Variants in ATXN7L1 observed in about 807,000 individuals in gnomAD.
ATXN7L1 encodes ataxin-7-like protein 1.
A neutral mutation model predicts 70.8 loss-of-function variants in ATXN7L1; 15 were observed. That is an observed-to-expected ratio of 0.21 (90% CI 0.14 to 0.33). The LOEUF (loss-of-function observed/expected upper bound fraction) is 0.33, where lower values mean the gene tolerates loss of function less well. ATXN7L1 is among the 10% of genes least tolerant of loss of function. ATXN7L1 has a pLI of 1.00. For missense variants in ATXN7L1, 975 were observed against 1,097.1 expected, an observed-to-expected ratio of 0.89 and a Z score of 1.57; for synonymous variants, 440 against 445.1, an observed-to-expected ratio of 0.99 and a Z score of 0.14.
At chr7:105,735,035 G>A (rs986012029) in intron 3 of ATXN7L1, among the ~76,000 whole-genome samples, 23 of 152,162 alleles carry the variant, frequency 1.5e-4, no homozygotes, top group Non-Finnish European at 2.8e-4. Flanking sequence ...CTGAGCTGGT[G>A]AAATAATTCT....
chr7:105,646,525 C>T lies in ATXN7L1; in HGVS notation c.579-3404G>A, dbSNP rs1799051735. 2.0e-5 allele frequency among the ~76,000 whole-genome samples: 3 copies of T among 152,236 alleles called. No homozygotes were observed. The South Asian group carries it at 6.2e-4, about 32-fold the overall frequency. On this transcript the variant is annotated intron_variant, in intron 4 of 11. Transcript: ENST00000419735. ...CTCGGCCTCTTGGGTTCAAGTGATT[C>T]TCCTGTCTCAGCCTCCCAAGTAACT...
At chr7:105,783,900 C>A (rs887817838) in intron 3 of ATXN7L1, among the ~76,000 whole-genome samples, 1 of 152,064 alleles carries the variant, frequency 6.6e-6, no homozygotes, top group African/African-American at 2.4e-5. Flanking sequence ...GAAGTGGGGA[C>A]ACAGTTTTGT....
intron 2 of ATXN7L1, among the ~76,000 whole-genome samples, chr7:105,849,705 C>T (rs1814598231): frequency 6.6e-6 from 1 of 152,174 alleles, no homozygotes; most frequent in African/African-American, 2.4e-5. Context: ...ACTGGGGCTC[C>T]CTGAGGATGT....
chr7:105,787,872 T>G lies in ATXN7L1; in HGVS notation c.355+732A>C, dbSNP rs549764329. ...TCACAGCATATTACAGCTTTGGAAA[T>G]TGTCTAATCCAATTCCCTGCTATAG... On this transcript the variant is annotated intron_variant, in intron 3 of 11. Coordinates refer to ENST00000419735, the MANE Select transcript of ATXN7L1 (RefSeq NM_020725.2). Among the ~76,000 whole-genome samples, 325 of 152,272 alleles carry G rather than the reference T, an allele frequency of 2.1e-3. 3 individuals are homozygous for G. The highest frequency in any genetic ancestry group is 7.1e-3 in the African/African-American group (294 of 41,548).
intron 3 of ATXN7L1, among the ~76,000 whole-genome samples, chr7:105,781,673 C>T (rs754699658): frequency 6.6e-6 from 1 of 152,124 alleles, no homozygotes; most frequent in Non-Finnish European, 1.5e-5. Flanking sequence ...TTTTTTAAAG[C>T]AAACTTTGTT....
intron 2 of ATXN7L1, among the ~76,000 whole-genome samples, chr7:105,790,168 G>T (rs1249120431): frequency 6.6e-6 from 1 of 152,184 alleles, no homozygotes; most frequent in Non-Finnish European, 1.5e-5. Flanking sequence ...GAATTCGAGG[G>T]TGACTGCTAA....
intron 7 of ATXN7L1, among the ~76,000 whole-genome samples, chr7:105,625,136 T>A (rs1406796418): frequency 6.6e-6 from 1 of 152,242 alleles, no homozygotes; most frequent in Non-Finnish European, 1.5e-5. Flanking sequence ...AAAAAAGTTT[T>A]GTCCTGGTGA....
At chr7:105,661,716 A>G (rs1454296378) in intron 4 of ATXN7L1, among the ~76,000 whole-genome samples, 5 of 152,172 alleles carry the variant, frequency 3.3e-5, no homozygotes, top group African/African-American at 9.7e-5. Context: ...TGGTGACTCT[A>G]TCTCTTCCCT....
chr7:105,761,379 C>T (rs765428414), intron 3 of ATXN7L1: 1 of 1,614,116 alleles, frequency 6.2e-7, no homozygotes, highest in Non-Finnish European at 8.5e-7. Context: ...TTTCCATTCT[C>T]ACACCTGATG....
At chr7:105,778,510 C>CA (rs745820046) in intron 3 of ATXN7L1, among the ~76,000 whole-genome samples, 5,265 of 33,782 alleles carry the variant, frequency 0.16, 331 homozygotes, top group East Asian at 0.38. Flanking sequence ...GACCCTATCT[C>CA]AAAAAAAAAA....
intron 3 of ATXN7L1, among the ~76,000 whole-genome samples, chr7:105,783,353 T>C (rs535426192): frequency 6.6e-6 from 1 of 152,322 alleles, no homozygotes; most frequent in Admixed American, 6.5e-5. Flanking sequence ...GGAATATCTT[T>C]CATTGTATTG....
chr7:105,628,580 G>C (rs1462405092), intron 7 of ATXN7L1, among the ~76,000 whole-genome samples: 1 of 151,796 alleles, frequency 6.6e-6, no homozygotes, highest in East Asian at 1.9e-4. Context: ...ACGAGGTCAG[G>C]AGATCGAGAC....
chr7:105,640,450 C>T (rs1483384668), intron 5 of ATXN7L1, among the ~76,000 whole-genome samples: 1 of 152,242 alleles, frequency 6.6e-6, no homozygotes, highest in East Asian at 1.9e-4. Flanking sequence ...TCTTTCTATA[C>T]CCATCTTGGG....
intron 4 of ATXN7L1, among the ~76,000 whole-genome samples, chr7:105,660,460 A>ATT (rs5886363): frequency 5.4e-5 from 8 of 147,650 alleles, no homozygotes; most frequent in African/African-American, 2.0e-4. Flanking sequence ...CTTAGATAGA[A>ATT]TTTTTTTTTT....
At chr7:105,848,810 G>C (rs59054553) in intron 2 of ATXN7L1, among the ~76,000 whole-genome samples, 2,642 of 152,232 alleles carry the variant, frequency 0.017, 42 homozygotes, top group East Asian at 0.065. Flanking sequence ...ACCCAGCCTA[G>C]AGCATGCTGC....
intron 3 of ATXN7L1, among the ~76,000 whole-genome samples, chr7:105,786,197 C>A (rs550420244): frequency 6.6e-6 from 1 of 152,194 alleles, no homozygotes; most frequent in Admixed American, 6.5e-5. Flanking sequence ...AGAAGCTTAA[C>A]GGAGACTGGG....
At chr7:105,826,415 T>G (rs1041832260) in intron 2 of ATXN7L1, among the ~76,000 whole-genome samples, 1 of 152,196 alleles carries the variant, frequency 6.6e-6, no homozygotes, top group Non-Finnish European at 1.5e-5. Flanking sequence ...GGTTCTAATG[T>G]GCAAATTTGG....
At chr7:105,648,952 G>C (rs1384306646) in intron 4 of ATXN7L1, among the ~76,000 whole-genome samples, 1 of 140,106 alleles carries the variant, frequency 7.1e-6, no homozygotes, top group Non-Finnish European at 1.5e-5. Context: ...ACCTGGGAGG[G>C]GGTGGTGAGT....
intron 3 of ATXN7L1, among the ~76,000 whole-genome samples, chr7:105,681,120 C>T (rs1263778392): frequency 6.6e-6 from 1 of 152,166 alleles, no homozygotes; most frequent in Non-Finnish European, 1.5e-5. Context: ...CAGGCAGGTT[C>T]AATCTAATTT....
Sources: gnomAD v4.1 joint callset for allele counts (sites outside exome capture counted in the v4.1 genomes callset) on GRCh38, gnomAD v4.1.1 for gene constraint, MANE v1.5 for transcripts, NCBI Gene and HGNC (gene_info 2026-07-23, HGNC 2026-07-21) for gene names.